CDIN1: variants seen among roughly 807,000 people sequenced by gnomAD.
The protein encoded by CDIN1 is CDAN1-interacting nuclease 1.
Under a neutral mutation model 45.3 loss-of-function variants are expected in CDIN1, and 33 were observed. The observed-to-expected ratio is 0.73, with a 90% confidence interval of 0.55 to 0.97. The LOEUF (loss-of-function observed/expected upper bound fraction) is 0.97. CDIN1 is among the 50% of genes least tolerant of loss of function. CDIN1 has a pLI of 0.00. For synonymous variants in CDIN1, 118 were observed against 124.4 expected, an observed-to-expected ratio of 0.95 and a Z score of 0.34; for missense variants, 303 against 339.4, an observed-to-expected ratio of 0.89 and a Z score of 0.84.
At chr15:36,775,414 G>T (rs1235758041) in intron 10 of CDIN1, among the ~76,000 whole-genome samples, 1 of 152,164 alleles carries the variant, frequency 6.6e-6, no homozygotes, top group Non-Finnish European at 1.5e-5. Context: ...ATTCTCGGCT[G>T]GCACGGACAA....
intron 1 of CDIN1, among the ~76,000 whole-genome samples, chr15:36,601,241 C>A (rs754315642): frequency 4.6e-5 from 7 of 152,166 alleles, no homozygotes; most frequent in Non-Finnish European, 5.9e-5. Flanking sequence ...TACCCTTCAG[C>A]ACGGGGTAAC....
chr15:36,748,909 T>C (rs1018961696), intron 10 of CDIN1, among the ~76,000 whole-genome samples: 1 of 152,160 alleles, frequency 6.6e-6, no homozygotes, highest in Non-Finnish European at 1.5e-5. Context: ...CTATCAACTT[T>C]AACCTCCAAC....
At chr15:36,753,172 C>A (rs1203393239) in intron 10 of CDIN1, among the ~76,000 whole-genome samples, 1 of 152,102 alleles carries the variant, frequency 6.6e-6, no homozygotes, top group Non-Finnish European at 1.5e-5. Flanking sequence ...AGCAATTGAA[C>A]AACAGTATCA....
At chr15:36,725,112 A>G (rs2043575151) in intron 10 of CDIN1, among the ~76,000 whole-genome samples, 1 of 152,120 alleles carries the variant, frequency 6.6e-6, no homozygotes, top group African/African-American at 2.4e-5. Flanking sequence ...ACACAACGGT[A>G]CAATGCTGAA....
chr15:36,706,463 A>G (rs1190148362), intron 8 of CDIN1: 1 of 152,058 alleles, frequency 6.6e-6, no homozygotes, highest in Admixed American at 6.6e-5. Context: ...AAATACAAAA[A>G]TTAGTCAGGC....
intron 10 of CDIN1, among the ~76,000 whole-genome samples, chr15:36,743,108 G>A (rs1200781197): frequency 6.6e-6 from 1 of 152,212 alleles, no homozygotes; most frequent in African/African-American, 2.4e-5. Flanking sequence ...TCAACTGTGT[G>A]TCAGGATAGA....
At chr15:36,745,608 T>C (rs1420097870) in intron 10 of CDIN1, among the ~76,000 whole-genome samples, 2 of 152,188 alleles carry the variant, frequency 1.3e-5, no homozygotes, top group South Asian at 2.1e-4. Flanking sequence ...TATATTACTT[T>C]TAGATACTCT....
chr15:36,754,339 C>T (rs1037947411), intron 10 of CDIN1, among the ~76,000 whole-genome samples: 62 of 152,062 alleles, frequency 4.1e-4, no homozygotes, highest in Non-Finnish European at 8.7e-4. Context: ...AATTATAAGG[C>T]TGTTAATGTG....
chr15:36,770,844 C>T (rs1332362976), intron 10 of CDIN1, among the ~76,000 whole-genome samples: 3 of 152,200 alleles, frequency 2.0e-5, no homozygotes, highest in Non-Finnish European at 2.9e-5. Context: ...CAGTGGCTCC[C>T]AAACTGCTGC....
chr15:36,594,081 A>G (rs1007678959), intron 1 of CDIN1, among the ~76,000 whole-genome samples: 5 of 152,218 alleles, frequency 3.3e-5, no homozygotes, highest in African/African-American at 1.2e-4. Flanking sequence ...TGCTAATCAC[A>G]TAATTGTAAT....
chr15:36,761,792 A>G (rs2053770185), intron 10 of CDIN1, among the ~76,000 whole-genome samples: 1 of 152,134 alleles, frequency 6.6e-6, no homozygotes, highest in South Asian at 2.1e-4. Flanking sequence ...GACATTAACT[A>G]TTACTGTTGC....
At chr15:36,765,025 G>T (rs183663908) in intron 10 of CDIN1, among the ~76,000 whole-genome samples, 152 of 148,956 alleles carry the variant, frequency 1.0e-3, no homozygotes, top group African/African-American at 3.7e-3. Context: ...ACTTTCCTTT[G>T]TGCTTAATTT....
At chr15:36,614,328 AC>A (rs2038786315) in intron 1 of CDIN1, 1 of 553,584 alleles carries the variant, frequency 1.8e-6, no homozygotes, top group Non-Finnish European at 3.5e-6. Flanking sequence ...TCCTTTCGCC[AC>A]CCCCTTCTCC....
At chr15:36,690,596 C>G (rs1373834298) in intron 5 of CDIN1, among the ~76,000 whole-genome samples, 1 of 152,038 alleles carries the variant, frequency 6.6e-6, no homozygotes, top group African/African-American at 2.4e-5. Flanking sequence ...TATCAGTGTT[C>G]TTATAGTATA....
chr15:36,717,459 A>G (rs919951270), intron 10 of CDIN1, among the ~76,000 whole-genome samples: 1 of 152,190 alleles, frequency 6.6e-6, no homozygotes, highest in Non-Finnish European at 1.5e-5. Flanking sequence ...TTTACTCAGC[A>G]TAATTATTTC....
chr15:36,775,032 G>C (rs1387670692), intron 10 of CDIN1, among the ~76,000 whole-genome samples: 1 of 151,930 alleles, frequency 6.6e-6, no homozygotes, highest in Non-Finnish European at 1.5e-5. Flanking sequence ...TAATTAATTT[G>C]GTTTGGCTCA....
intron 10 of CDIN1, among the ~76,000 whole-genome samples, chr15:36,714,672 C>T (rs983956346): frequency 1.3e-5 from 2 of 152,152 alleles, no homozygotes; most frequent in Admixed American, 6.5e-5. Context: ...TTCCCACCCT[C>T]AGCTCCATCC....
intron 10 of CDIN1, among the ~76,000 whole-genome samples, chr15:36,805,016 A>T (rs1344205177): frequency 1.3e-5 from 2 of 152,002 alleles, no homozygotes; most frequent in Non-Finnish European, 2.9e-5. Flanking sequence ...GTCATTACTT[A>T]TGAAAAACCT....
At chr15:36,701,114 A>ATAGATAGG (rs1278696314) in intron 8 of CDIN1, among the ~76,000 whole-genome samples, 2 of 117,880 alleles carry the variant, frequency 1.7e-5, no homozygotes, top group African/African-American at 6.6e-5. Context: ...AGATAGATAG[A>ATAGATAGG]TAGGTAGGTA....
Sources: allele counts gnomAD v4.1 joint callset (sites outside exome capture counted in the v4.1 genomes callset), GRCh38; gene constraint gnomAD v4.1.1; transcripts MANE v1.5; gene names NCBI Gene and HGNC (gene_info 2026-07-23, HGNC 2026-07-21).